Variants in THOC1 observed in about 807,000 individuals in gnomAD.
THOC1 encodes the protein THO complex 1.
THOC1 carries 29 observed loss-of-function variants against 97.3 expected under a neutral mutation model. That is an observed-to-expected ratio of 0.30 (90% CI 0.22 to 0.41). THOC1 has a LOEUF of 0.41. THOC1 is among the 10% of genes least tolerant of loss of function. The pLI is 1.00. For synonymous variants in THOC1, 255 were observed against 257.0 expected (o/e 0.99, Z 0.07); for missense variants, 529 against 761.9 (o/e 0.69, Z 3.60).
intron 18 of THOC1, 141 bp from the exon 19 acceptor site, chr18:216,774 G>T: frequency 8.5e-7 from 1 of 1,177,456 alleles, no homozygotes; most frequent in East Asian, 2.8e-5. Context: ...TATTCCTAAA[G>T]AACTTTTCAG....
At chr18:219,858 C>T (rs1167038668) in intron 17 of THOC1, among the ~76,000 whole-genome samples, 2 of 152,086 alleles carry the variant, frequency 1.3e-5, no homozygotes, top group Non-Finnish European at 2.9e-5. Flanking sequence ...GACCATAATA[C>T]GATTTCAAGG....
chr18:248,479 C>T (rs1046761630), intron 9 of THOC1, among the ~76,000 whole-genome samples: 1 of 152,136 alleles, frequency 6.6e-6, no homozygotes, highest in Non-Finnish European at 1.5e-5. Flanking sequence ...CCTTGGACTG[C>T]CTGCTTCTAG....
chr18:264,004 A>G, intron 4 of THOC1, 22 bp downstream of exon 4: 1 of 1,588,940 alleles, frequency 6.3e-7, no homozygotes, highest in Non-Finnish European at 8.6e-7. Flanking sequence ...CTTTAAACAA[A>G]ACAAAACGGA....
intron 7 of THOC1, among the ~76,000 whole-genome samples, chr18:257,894 G>T (rs1161149263): frequency 6.6e-6 from 1 of 152,064 alleles, no homozygotes; most frequent in Non-Finnish European, 1.5e-5. Context: ...AGGTATAATG[G>T]ATGTTTAATT....
chr18:222,073 C>G (rs1483358234), intron 17 of THOC1, among the ~76,000 whole-genome samples: 2 of 152,010 alleles, frequency 1.3e-5, no homozygotes, highest in Non-Finnish European at 2.9e-5. Flanking sequence ...TCTGTATTTA[C>G]TTTTACCCCT....
At chr18:225,242 T>C in intron 13 of THOC1, 95 bp downstream of exon 13, 1 of 1,543,520 alleles carries the variant, frequency 6.5e-7, no homozygotes, top group Non-Finnish European at 8.8e-7. Context: ...GTACCTGAGC[T>C]TAACTTTATC....
intron 5 of THOC1, 194 bp from the exon 6 acceptor site, chr18:259,924 G>C: frequency 1.9e-6 from 1 of 538,878 alleles, no homozygotes; most frequent in East Asian, 3.3e-5. Context: ...ATGATACTAA[G>C]TAACTGTTTT....
chr18:261,383 A>C (rs1382691223), intron 4 of THOC1, among the ~76,000 whole-genome samples: 1 of 152,224 alleles, frequency 6.6e-6, no homozygotes, highest in Non-Finnish European at 1.5e-5. Flanking sequence ...TCCAGAAAAA[A>C]GGAAGAAATA....
chr18:255,007 C>T (rs990151003), intron 7 of THOC1, among the ~76,000 whole-genome samples: 2 of 152,004 alleles, frequency 1.3e-5, no homozygotes, highest in African/African-American at 4.8e-5. Flanking sequence ...TTAGTAGAGA[C>T]GGGCTTTTGC....
At chr18:219,568 G>C (rs1410531104) in intron 17 of THOC1, among the ~76,000 whole-genome samples, 2 of 152,146 alleles carry the variant, frequency 1.3e-5, no homozygotes, top group South Asian at 2.1e-4. Context: ...GATTACGTGG[G>C]AACTCCAGAC....
intron 12 of THOC1, 94 bp downstream of exon 12, chr18:226,707 C>G: frequency 2.4e-6 from 2 of 848,106 alleles, no homozygotes; most frequent in South Asian, 3.3e-5. Flanking sequence ...ACAGCCTTAA[C>G]ATGAAATGGA....
intron 3 of THOC1, among the ~76,000 whole-genome samples, 169 bp from the exon 4 acceptor site, chr18:264,261 A>G (rs1019706288): frequency 2.0e-5 from 3 of 152,266 alleles, no homozygotes. Flanking sequence ...ATTTAACAGT[A>G]ACATATAGAA....
At chr18:237,432 C>T (rs569592011) in intron 11 of THOC1, among the ~76,000 whole-genome samples, 4 of 152,192 alleles carry the variant, frequency 2.6e-5, no homozygotes, top group South Asian at 4.1e-4. Context: ...GCTGGGATTA[C>T]GAGCGTGAGC....
At chr18:237,437 G>A (rs1483348971) in intron 11 of THOC1, among the ~76,000 whole-genome samples, 2 of 152,056 alleles carry the variant, frequency 1.3e-5, no homozygotes, top group Non-Finnish European at 2.9e-5. Context: ...GATTACGAGC[G>A]TGAGCCACCA....
intron 12 of THOC1, chr18:226,340 CAGT>C (rs1454553825): frequency 6.4e-6 from 1 of 156,284 alleles, no homozygotes; most frequent in Non-Finnish European, 1.4e-5. Context: ...TTTAGATAGA[CAGT>C]AGAGAGCCTA....
chr18:225,501 G>A, intron 12 of THOC1, 98 bp from the exon 13 acceptor site: 1 of 915,294 alleles, frequency 1.1e-6, no homozygotes, highest in Non-Finnish European at 1.7e-6. Flanking sequence ...TAACTATACT[G>A]TGGATAGTGT....
intron 11 of THOC1, among the ~76,000 whole-genome samples, chr18:241,510 G>GTA (rs148319724): frequency 2.1e-3 from 315 of 152,302 alleles, no homozygotes; most frequent in Admixed American, 3.6e-3. Flanking sequence ...AGGGTCAACA[G>GTA]TACATAACTG....
chr18:224,014 G>A, intron 16 of THOC1, 70 bp downstream of exon 16: 1 of 1,130,938 alleles, frequency 8.8e-7, no homozygotes, highest in Non-Finnish European at 1.3e-6. Flanking sequence ...TGGATGGAGA[G>A]TTCTTAAAGT....
intron 11 of THOC1, among the ~76,000 whole-genome samples, chr18:236,402 C>T (rs934900652): frequency 7.6e-6 from 1 of 130,874 alleles, no homozygotes; most frequent in Admixed American, 9.3e-5. Context: ...GTCGCCCAGG[C>T]GGGAGTGCAG....
Sources: allele counts gnomAD v4.1 joint callset (sites outside exome capture counted in the v4.1 genomes callset), GRCh38; gene constraint gnomAD v4.1.1; transcripts MANE v1.5; gene names NCBI Gene and HGNC (gene_info 2026-07-23, HGNC 2026-07-21).